The following SHCBP1L variants were observed in gnomAD, a reference collection of about 807,000 sequenced individuals.
The protein encoded by SHCBP1L is SHC binding and spindle associated 1 like.
A neutral mutation model predicts 62.5 loss-of-function variants in SHCBP1L; 67 were observed. That is an observed-to-expected ratio of 1.07 (90% CI 0.88 to 1.31). The LOEUF is 1.31. Among genes scored for constraint, SHCBP1L ranks in the 40% most tolerant of loss-of-function variants. SHCBP1L has a pLI of 0.00. For synonymous variants in SHCBP1L, 284 were observed against 289.4 expected, an observed-to-expected ratio of 0.98 and a Z score of 0.19; for missense variants, 823 against 809.8, an observed-to-expected ratio of 1.02 and a Z score of -0.20.
Position 182,951,298 on chromosome 1 carries a change from A to T in SHCBP1L, c.555+20T>A. On this transcript the variant is annotated intron_variant, in intron 2 of 9. Coordinates refer to ENST00000367547, the MANE Select transcript of SHCBP1L (RefSeq NM_030933.4). Reference sequence around the variant, plus strand: ...AAGAACTGATTCAAAAAGAACAAAGATCAAATAAAATTTATTTACCTCAAC... The same window carrying T: ...AAGAACTGATTCAAAAAGAACAAAGTTCAAATAAAATTTATTTACCTCAAC... 6.6e-7 allele frequency: 1 copy of T among 1,505,922 alleles called. No homozygotes were observed. The highest frequency in any genetic ancestry group is 8.9e-7 in the Non-Finnish European group (1 of 1,122,314). 93.3% of individuals were successfully genotyped at this position (1,505,922 alleles called of 1,614,324 possible).
chr1:182,921,470 T>C (rs979357946), intron 6 of SHCBP1L, among the ~76,000 whole-genome samples: 10 of 152,082 alleles, frequency 6.6e-5, no homozygotes, highest in African/African-American at 2.4e-4. Flanking sequence ...AGCTAATAGG[T>C]TTGTTAGGTT....
chr1:182,913,650 G>C (rs1218170149), intron 6 of SHCBP1L, among the ~76,000 whole-genome samples: 1 of 151,976 alleles, frequency 6.6e-6, no homozygotes, highest in Non-Finnish European at 1.5e-5. Flanking sequence ...TAAACACAAA[G>C]AAACACACAT....
chr1:182,904,482 C>T (rs1042218973), intron 7 of SHCBP1L, 52 bp from the exon 8 acceptor site: 3 of 1,591,724 alleles, frequency 1.9e-6, no homozygotes, highest in Non-Finnish European at 2.6e-6. Flanking sequence ...CATTTTAAGG[C>T]CCTTTATTGT....
chr1:182,952,241 C>T (rs541731820), intron 1 of SHCBP1L, among the ~76,000 whole-genome samples: 5 of 100,492 alleles, frequency 5.0e-5, no homozygotes, highest in Non-Finnish European at 7.4e-5. Context: ...TATATACACA[C>T]ACACACACAC....
At chr1:182,930,587 ATATATAT>A (rs1344907510) in intron 5 of SHCBP1L, among the ~76,000 whole-genome samples, 1 of 129,344 alleles carries the variant, frequency 7.7e-6, no homozygotes, top group East Asian at 2.1e-4. Context: ...ATATATATAT[ATATATAT>A]ACACATATAT....
In SHCBP1L at chr1:182,912,991, T is replaced by G. The variant is rs901867100; in HGVS notation, c.1183-7342A>C. On this transcript the variant is annotated intron_variant, in intron 6 of 9. Coordinates refer to ENST00000367547, the MANE Select transcript of SHCBP1L (RefSeq NM_030933.4). ...CTCTACTAAAAATACAAAAATTAGC[T>G]GGGTGTGGTGGTGTGCGCCTGTAAT... is the stretch of plus-strand genomic sequence containing the variant. 4.0e-5 allele frequency among the ~76,000 whole-genome samples: 6 copies of G among 151,518 alleles called. No homozygotes were observed. In the East Asian group the frequency reaches 1.2e-3, roughly 30 times the overall value.
chr1:182,917,493 C>G (rs1650391408), intron 6 of SHCBP1L, among the ~76,000 whole-genome samples: 1 of 152,194 alleles, frequency 6.6e-6, no homozygotes, highest in African/African-American at 2.4e-5. Context: ...ATCCACCCAT[C>G]TCGGCCTCCC....
chr1:182,904,871 C>T (rs1313491617), intron 7 of SHCBP1L, among the ~76,000 whole-genome samples: 1 of 152,036 alleles, frequency 6.6e-6, no homozygotes, highest in Non-Finnish European at 1.5e-5. Context: ...CTCAGCCTCC[C>T]AAGTAACTGG....
rs150292916 is a variant in SHCBP1L at position 182,934,209 on chromosome 1, A to G, written c.1077-4457T>C. Among the ~76,000 whole-genome samples the G allele has an allele frequency of 5.9e-5, 9 of 152,226 alleles. No homozygotes were observed. In the East Asian group the frequency reaches 1.7e-3, roughly 29 times the overall value. ...ATTAATTGGGTAAATACCAAGTAGG[A>G]TTGCAACTGCTGAGTCCTATGGTTA... is the stretch of plus-strand genomic sequence containing the variant. On this transcript the variant is annotated intron_variant, in intron 5 of 9. Transcript: ENST00000367547.
intron 5 of SHCBP1L, among the ~76,000 whole-genome samples, chr1:182,938,268 C>T (rs539646572): frequency 1.5e-4 from 23 of 152,036 alleles, no homozygotes; most frequent in African/African-American, 2.4e-4. Flanking sequence ...CCACCACGCC[C>T]GGCTAATTTT....
intron 2 of SHCBP1L, chr1:182,942,441 C>T: frequency 1.5e-6 from 1 of 682,156 alleles, no homozygotes; most frequent in Non-Finnish European, 2.7e-6. Context: ...TGCCTGCGGG[C>T]CGTGGCGCGC....
At chr1:182,948,247 T>C (rs546667023) in intron 2 of SHCBP1L, among the ~76,000 whole-genome samples, 2 of 152,296 alleles carry the variant, frequency 1.3e-5, no homozygotes, top group South Asian at 2.1e-4. Context: ...GAATTCATGA[T>C]AGGCATAATA....
At chr1:182,922,627 A>T (rs748373849) in intron 6 of SHCBP1L, among the ~76,000 whole-genome samples, 1 of 152,150 alleles carries the variant, frequency 6.6e-6, no homozygotes, top group Admixed American at 6.5e-5. Flanking sequence ...AAATTAAGCA[A>T]TCTGCTCCTG....
intron 1 of SHCBP1L, among the ~76,000 whole-genome samples, chr1:182,952,191 AATATATATATATAT>A (rs869051143): frequency 0.028 from 674 of 24,144 alleles, 15 homozygotes; most frequent in Non-Finnish European, 0.036. Flanking sequence ...AAAAAAAAAA[AATATATATATATAT>A]ATATATATAT....
intron 6 of SHCBP1L, 41 bp downstream of exon 6, chr1:182,929,606 G>T: frequency 7.4e-7 from 1 of 1,344,428 alleles, no homozygotes; most frequent in Non-Finnish European, 1.0e-6. Flanking sequence ...ATTATACACA[G>T]CTAATACTTA....
chr1:182,904,033 T>C (rs1451768910), intron 8 of SHCBP1L, 147 bp downstream of exon 8: 1 of 885,488 alleles, frequency 1.1e-6, no homozygotes, highest in Non-Finnish European at 1.7e-6. Context: ...ACTCCAGTAC[T>C]CATTTTGTTG....
intron 2 of SHCBP1L, 73 bp downstream of exon 2, chr1:182,951,245 A>G (rs1334311206): frequency 1.6e-6 from 2 of 1,217,314 alleles, no homozygotes; most frequent in African/African-American, 3.0e-5. Flanking sequence ...TCAATCTCCA[A>G]ATAATAAAGT....
At chr1:182,913,495 G>A (rs1650255207) in intron 6 of SHCBP1L, among the ~76,000 whole-genome samples, 2 of 152,264 alleles carry the variant, frequency 1.3e-5, no homozygotes, top group Non-Finnish European at 1.5e-5. Flanking sequence ...TTGTTTTGTT[G>A]TGAAAACAGA....
At chr1:182,901,728 T>C (rs1249694837) in intron 9 of SHCBP1L, among the ~76,000 whole-genome samples, 1 of 152,190 alleles carries the variant, frequency 6.6e-6, no homozygotes, top group Non-Finnish European at 1.5e-5. Flanking sequence ...AATTCTCCAC[T>C]TCTAACAAAC....
Sources: allele counts gnomAD v4.1 joint callset (sites outside exome capture counted in the v4.1 genomes callset), GRCh38; gene constraint gnomAD v4.1.1; transcripts MANE v1.5; gene names NCBI Gene and HGNC (gene_info 2026-07-23, HGNC 2026-07-21).